The following WASHC2C variants were observed in gnomAD, a reference collection of about 807,000 sequenced individuals.
WASHC2C encodes WASH complex subunit 2C.
WASHC2C carries 73 observed loss-of-function variants against 142.2 expected under a neutral mutation model. The ratio of observed to expected loss-of-function variants is 0.51; its 90% CI spans 0.43 to 0.62. WASHC2C has a LOEUF of 0.62. Among genes scored for constraint, WASHC2C ranks in the 20% least tolerant of loss-of-function variants. WASHC2C has a pLI of 0.00. For missense variants in WASHC2C, 969 were observed against 1,531.7 expected (o/e 0.63, Z 6.13); for synonymous variants, 337 against 565.5 (o/e 0.60, Z 5.73).
intron 3 of WASHC2C, among the ~76,000 whole-genome samples, chr10:45,736,405 C>CAAAAAAAAAAAAAAAAAAAA (rs71520974): frequency 4.1e-5 from 1 of 24,558 alleles, no homozygotes; most frequent in Non-Finnish European, 7.0e-5. Context: ...GACTCCATCT[C>CAAAAAAAAAAAAAAAAAAAA]AAAAAAAAAA....
intron 4 of WASHC2C, among the ~76,000 whole-genome samples, chr10:45,739,028 A>G (rs1554866099): frequency 6.6e-6 from 1 of 151,808 alleles, no homozygotes; most frequent in African/African-American, 2.4e-5. Flanking sequence ...TTTTAATAGA[A>G]CTCAAGGATT....
intron 21 of WASHC2C, 150 bp downstream of exon 21, chr10:45,773,508 A>C (rs1280229152): frequency 1.8e-6 from 2 of 1,132,666 alleles, no homozygotes; most frequent in Non-Finnish European, 2.6e-6. Flanking sequence ...AGATCTTCTG[A>C]TTAATAGTAT....
rs1554869307 is a variant in WASHC2C at position 45,743,375 on chromosome 10, T to A, written c.529-15T>A. On this transcript the variant is annotated splice_polypyrimidine_tract_variant and intron_variant, in intron 5 of 30. Coordinates refer to ENST00000623400, the MANE Select transcript of WASHC2C (RefSeq NM_001330074.2). ...ACTGAAATGTTTGACAGCCTATTCC[T>A]TTCATCATGTACAGGATCTATACAT... 2 of 1,611,872 alleles carry A rather than the reference T, an allele frequency of 1.2e-6. No individual in the cohort carries two copies. Among genetic ancestry groups the A allele is most frequent in the Non-Finnish European group, 1.7e-6 (2 of 1,179,850 alleles).
intron 19 of WASHC2C, among the ~76,000 whole-genome samples, chr10:45,768,565 T>C (rs1554883400): frequency 1.3e-5 from 2 of 152,222 alleles, no homozygotes; most frequent in South Asian, 2.1e-4. Context: ...AGAGCACTTA[T>C]GCAAGTGCTT....
chr10:45,752,743 A>G (rs782140187), intron 12 of WASHC2C, 37 bp downstream of exon 12: 133 of 1,538,014 alleles, frequency 8.6e-5, no homozygotes, highest in Non-Finnish European at 1.1e-4. Context: ...CCCTGCAGCT[A>G]GCTGTGTCAG....
In WASHC2C at chr10:45,783,609, C is replaced by T. The variant is rs543886854; in HGVS notation, c.2479-956C>T. 3.0e-4 allele frequency among the ~76,000 whole-genome samples: 46 copies of T among 152,200 alleles called. 1 individual carries two copies. Among genetic ancestry groups the T allele is most frequent in the South Asian group, 2.3e-3 (11 of 4,824 alleles). On this transcript the variant is annotated intron_variant, in intron 23 of 30. Transcript: ENST00000623400. ...CCAAGTAGCTGGAACCACAGGCACA[C>T]GCCACCACACCCGGCTGATCTTTGT...
rs1370764476 is a variant in WASHC2C, at chr10:45,792,157, A to G, written c.3887-104A>G. 3.9e-6 allele frequency: 5 copies of G among 1,270,556 alleles called. No homozygotes were observed. In the East Asian group the frequency reaches 7.1e-5, roughly 18 times the overall value. 78.7% of individuals were successfully genotyped at this position (1,270,556 alleles called of 1,614,324 possible). ...CTAGGTTAGTGTTTTAGGGTACTCC[A>G]TGCTGTTACGAGAGCTGGGTCTTTG... On this transcript the variant is annotated intron_variant, in intron 30 of 30. Coordinates refer to ENST00000623400, the MANE Select transcript of WASHC2C (RefSeq NM_001330074.2).
At chr10:45,745,680 G>A (rs1177893132) in intron 7 of WASHC2C, among the ~76,000 whole-genome samples, 2 of 151,866 alleles carry the variant, frequency 1.3e-5, no homozygotes, top group East Asian at 1.9e-4. Context: ...TTTAGCCACC[G>A]ATGTGGCACT....
At position 45,743,396 on chromosome 10, in the gene WASHC2C, T is replaced by C. The variant is rs1554869339; in HGVS notation, c.535T>C (p.Tyr179His). The change falls in exon 6 of 31, where the codon TAC becomes CAC. Residue 179 changes from tyrosine to histidine, a missense_variant. Transcript: ENST00000623400. ...VELILEPKDL[Y>H]IDRPLPYLIG... ...TTCCTTTCATCATGTACAGGATCTA[T>C]ACATTGATCGTCCTTTACCATATCT... is the stretch of plus-strand genomic sequence containing the variant. 1 of 1,611,950 alleles carries C rather than the reference T, an allele frequency of 6.2e-7. No homozygotes were observed. The highest frequency in any genetic ancestry group is 8.5e-7 in the Non-Finnish European group (1 of 1,179,842).
At chr10:45,743,886 C>T (rs1554869740) in intron 6 of WASHC2C, among the ~76,000 whole-genome samples, 1 of 145,750 alleles carries the variant, frequency 6.9e-6, no homozygotes, top group Admixed American at 6.9e-5. Flanking sequence ...GTAGCTGGGA[C>T]CACAGGCGTG....
chr10:45,769,302 T>C (rs2056321341), intron 19 of WASHC2C, 147 bp from the exon 20 acceptor site: 2 of 1,305,086 alleles, frequency 1.5e-6, no homozygotes, highest in South Asian at 2.9e-5. Flanking sequence ...GTATTTTTAG[T>C]AGAGATGGGG....
rs1403641462 is a variant in WASHC2C, at chr10:45,750,186, A to T, written c.823A>T (p.Ile275Phe). The T allele has an allele frequency of 1.2e-6, 2 of 1,611,232 alleles. No individual in the cohort carries two copies. The highest frequency in any genetic ancestry group is 1.3e-5 in the African/African-American group (1 of 74,678). ...GAAGGAGGAGGAAGATATTGAGGAC[A>T]TTGAAGAAAATACTAGACCTGTAAG... Reference protein sequence around the residue: ...SEKEEEDIEDIEENTRPKRSR... With the variant: ...SEKEEEDIEDFEENTRPKRSR... The change falls in exon 9 of 31, where the codon ATT becomes TTT. Residue 275 changes from isoleucine (I) to phenylalanine (F), a missense_variant. Ile to Phe is a conservative substitution (Grantham distance 21). Coordinates refer to ENST00000623400, the MANE Select transcript of WASHC2C (RefSeq NM_001330074.2).
intron 7 of WASHC2C, 151 bp from the exon 8 acceptor site, chr10:45,746,449 G>A (rs2052842209): frequency 1.1e-6 from 1 of 930,260 alleles, no homozygotes; most frequent in Admixed American, 1.8e-5. Context: ...GATACTTAAG[G>A]TGACCAGTAG....
At position 45,777,466 on chromosome 10, in the gene WASHC2C, C is replaced by T. The variant is rs200742771; in HGVS notation, c.2295+41C>T. On this transcript the variant is annotated intron_variant, in intron 22 of 30. Coordinates refer to ENST00000623400, the MANE Select transcript of WASHC2C (RefSeq NM_001330074.2). ...TGTATACTTGAATGCATTTGTCTCT[C>T]GTATGTTGTTTCAAACACACCCAAC... 146 of 1,612,296 alleles carry T rather than the reference C, an allele frequency of 9.1e-5. 1 individual carries two copies. In the Admixed American group the frequency reaches 1.1e-3, roughly 12 times the overall value.
intron 19 of WASHC2C, among the ~76,000 whole-genome samples, chr10:45,768,334 C>T (rs1183642212): frequency 2.0e-5 from 3 of 151,776 alleles, no homozygotes; most frequent in Admixed American, 6.6e-5. Context: ...GGTACAGCCT[C>T]GTCATTGGAG....
At position 45,784,689 on chromosome 10, in the gene WASHC2C, C is replaced by T. The variant is rs2057898564; in HGVS notation, c.2603C>T (p.Thr868Ile). 6.2e-7 allele frequency: 1 copy of T among 1,607,210 alleles called. No individual in the cohort carries two copies. The highest frequency in any genetic ancestry group is 1.7e-5 in the Admixed American group (1 of 59,290). The change falls in exon 24 of 31, where the codon ACC (threonine) becomes ATC (isoleucine). Residue 868 changes from threonine to isoleucine, a missense_variant. By Grantham distance (89) the Thr-to-Ile change is moderately conservative. Coordinates refer to ENST00000623400, the MANE Select transcript of WASHC2C (RefSeq NM_001330074.2). ...DVDLFAGTKK[T>I]KLLEPSVGSL... is the part of the protein sequence containing the mutation. Reference sequence around the variant, plus strand: ...GACCTTTTTGCTGGCACCAAAAAAACCAAGGTCAGTTCCAAATGGTTCCCC... The same window carrying T: ...GACCTTTTTGCTGGCACCAAAAAAATCAAGGTCAGTTCCAAATGGTTCCCC...
At chr10:45,758,843 G>T (rs1443570870) in intron 16 of WASHC2C, among the ~76,000 whole-genome samples, 7 of 149,676 alleles carry the variant, frequency 4.7e-5, no homozygotes, top group African/African-American at 1.7e-4. Flanking sequence ...AGATTGACCT[G>T]CATTTGGCCA....
intron 30 of WASHC2C, among the ~76,000 whole-genome samples, chr10:45,791,145 C>T (rs1355541407): frequency 2.0e-5 from 3 of 151,918 alleles, no homozygotes; most frequent in Admixed American, 6.6e-5. Context: ...GCCACATACA[C>T]ATTTCCTACT....
chr10:45,759,848 CTT>C (rs1214707168), intron 17 of WASHC2C, among the ~76,000 whole-genome samples: 5 of 151,860 alleles, frequency 3.3e-5, no homozygotes, highest in Admixed American at 3.3e-4. Flanking sequence ...AAAATAATCT[CTT>C]GAGAGCACAG....
Sources: allele counts gnomAD v4.1 joint callset (sites outside exome capture counted in the v4.1 genomes callset), GRCh38; gene constraint gnomAD v4.1.1; transcripts MANE v1.5; gene names NCBI Gene and HGNC (gene_info 2026-07-23, HGNC 2026-07-21).